ACSM3: variants seen among roughly 807,000 people sequenced by gnomAD.
The protein encoded by ACSM3 is acyl-coenzyme A synthetase ACSM3, mitochondrial.
In ACSM3, 61 loss-of-function variants were observed where a neutral mutation model predicts 74.1. That is an observed-to-expected ratio of 0.82 (90% CI 0.67 to 1.02). ACSM3 has a LOEUF of 1.02. Ranked by LOEUF, ACSM3 falls within the 50% of genes least tolerant of loss-of-function variation. ACSM3 has a pLI of 0.00. For missense variants in ACSM3, 660 were observed against 697.0 expected (o/e 0.95, Z 0.60); for synonymous variants, 213 against 241.5 (o/e 0.88, Z 1.09).
chr16:20,766,010 A>G (rs1190882587), intron 1 of ACSM3, among the ~76,000 whole-genome samples: 5 of 152,194 alleles, frequency 3.3e-5, no homozygotes, highest in Non-Finnish European at 4.4e-5. Context: ...TGTATCCTCT[A>G]TGTCTGAAAT....
Position 20,797,198 on chromosome 16 carries a change from A to G in ACSM3, c.*226A>G. On this transcript the variant is annotated 3_prime_UTR_variant, in exon 14 of 14. Coordinates refer to ENST00000289416, the MANE Select transcript of ACSM3 (RefSeq NM_005622.4). ...TCCTATCATTTCTTAATATAAAAAT[A>G]ATACCATCAATTGCTGATTAATTTT... 8.0e-7 allele frequency: 1 copy of G among 1,248,436 alleles called. No individual in the cohort carries two copies. Among genetic ancestry groups the G allele is most frequent in the Non-Finnish European group, 1.0e-6 (1 of 995,758 alleles). The allele number at this position is 1,248,436 out of a possible 1,614,324, so 77.3% of individuals were successfully genotyped here.
chr16:20,773,738 A>G (rs529220092), intron 2 of ACSM3, among the ~76,000 whole-genome samples: 17 of 152,252 alleles, frequency 1.1e-4, no homozygotes, highest in Non-Finnish European at 1.5e-4. Flanking sequence ...TATGATTTCA[A>G]TTTTTAAGAA....
intron 1 of ACSM3, among the ~76,000 whole-genome samples, chr16:20,693,897 G>A (rs191685930): frequency 2.3e-3 from 357 of 152,266 alleles, no homozygotes; most frequent in African/African-American, 8.3e-3. Context: ...ATCTAATTAG[G>A]AATAAATAGT....
intron 1 of ACSM3, chr16:20,729,500 C>A (rs947720728): frequency 8.0e-6 from 5 of 621,126 alleles, no homozygotes; most frequent in Non-Finnish European, 1.5e-5. Context: ...TGCTGAGCAT[C>A]CAGCAGTTGT....
At chr16:20,741,371 G>T in intron 1 of ACSM3, 4 of 1,102,250 alleles carry the variant, frequency 3.6e-6, no homozygotes, top group Non-Finnish European at 3.8e-6. Flanking sequence ...GGACGGAAAC[G>T]CCGGCGAGGC....
chr16:20,766,994 G>A (rs1228707423), intron 1 of ACSM3, among the ~76,000 whole-genome samples: 1 of 152,102 alleles, frequency 6.6e-6, no homozygotes, highest in Non-Finnish European at 1.5e-5. Context: ...CTGGGAGTGA[G>A]AGCAAAGTGG....
intron 1 of ACSM3, among the ~76,000 whole-genome samples, 171 bp downstream of exon 1, chr16:20,764,296 A>AC (rs1398855311): frequency 1.3e-5 from 2 of 152,272 alleles, no homozygotes; most frequent in African/African-American, 4.8e-5. Context: ...ACTATCTATT[A>AC]AGTGATGAGG....
At chr16:20,737,326 C>T (rs765138496) in intron 1 of ACSM3, 5 of 1,548,738 alleles carry the variant, frequency 3.2e-6, no homozygotes, top group East Asian at 2.2e-5. Context: ...GAGGAGGATA[C>T]CATTACATCT....
At chr16:20,792,184 T>G in intron 11 of ACSM3, 52 bp from the exon 12 acceptor site, 1 of 1,614,068 alleles carries the variant, frequency 6.2e-7, no homozygotes, top group Non-Finnish European at 8.5e-7. Flanking sequence ...ATCAGTGTTC[T>G]AGAGTGAACC....
chr16:20,784,921 T>C, intron 7 of ACSM3, 63 bp from the exon 8 acceptor site: 2 of 1,540,592 alleles, frequency 1.3e-6, no homozygotes, highest in African/African-American at 1.4e-5. Context: ...TAAGAAATAA[T>C]CCTTAATCTT....
In ACSM3 at chr16:20,796,981, C is replaced by A; in HGVS notation, c.*9C>A. ...AATGGAAGACAATTTAAAGTTGTTTCATTAATTACCATATCTATAAAACAA... is the reference window on the plus strand; with the variant it reads ...AATGGAAGACAATTTAAAGTTGTTTAATTAATTACCATATCTATAAAACAA... On this transcript the variant is annotated 3_prime_UTR_variant, in exon 14 of 14. Transcript: ENST00000289416. The A allele has an allele frequency of 6.2e-7, 1 of 1,610,036 alleles. No individual in the cohort carries two copies. Among genetic ancestry groups the A allele is most frequent in the South Asian group, 1.1e-5 (1 of 90,034 alleles).
At chr16:20,741,479 C>CCGGGGGGGGG in intron 1 of ACSM3, 4 of 1,329,522 alleles carry the variant, frequency 3.0e-6, no homozygotes, top group East Asian at 3.1e-5. Flanking sequence ...GCCTGGCAGC[C>CCGGGGGGGGG]GGCCCGCCCG....
chr16:20,796,913 A>G lies in ACSM3; in HGVS notation c.1702A>G (p.Thr568Ala). Residue 568 changes from threonine (T) to alanine (A), a missense_variant, in exon 14 of 14, where the codon ACT becomes GCT. By Grantham distance (58) the Thr-to-Ala change is moderately conservative. Transcript: ENST00000289416. ...KVEFIQELPK[T>A]ISGKTKRNEL... ...AGAATTTATTCAAGAGCTGCCAAAG[A>G]CTATCAGTGGGAAGACAAAAAGAAA... is the stretch of plus-strand genomic sequence containing the variant. 6.2e-7 allele frequency: 1 copy of G among 1,612,954 alleles called. No individual in the cohort carries two copies. Among genetic ancestry groups the G allele is most frequent in the Admixed American group, 1.7e-5 (1 of 59,864 alleles).
intron 7 of ACSM3, chr16:20,784,498 G>A (rs2080425470): frequency 6.6e-6 from 1 of 152,530 alleles, no homozygotes; most frequent in Non-Finnish European, 1.5e-5. Context: ...CTGATTTAAA[G>A]TGTTATTATG....
intron 1 of ACSM3, among the ~76,000 whole-genome samples, chr16:20,723,759 C>A (rs1264485479): frequency 6.6e-6 from 1 of 152,088 alleles, no homozygotes; most frequent in Non-Finnish European, 1.5e-5. Flanking sequence ...TGTTGGAGTT[C>A]ACTGTAGATT....
rs71842093 is a variant in ACSM3 at position 20,685,819 on chromosome 16, C to CAAAAAAAAA, written c.-190+11001_-190+11009dup. 9.2e-4 allele frequency among the ~76,000 whole-genome samples: 46 copies of CAAAAAAAAA among 50,076 alleles called. 5 individuals are homozygous for CAAAAAAAAA. The highest frequency in any genetic ancestry group is 1.6e-3 in the Admixed American group (6 of 3,792). 32.9% of individuals were successfully genotyped at this position (50,076 alleles called of 152,430 possible). On this transcript the variant is annotated intron_variant, in intron 1 of 3. Coordinates refer to the ACSM3 transcript ENST00000561584. ...TGGATGACACAGTGAGACTCCGTCT[C>CAAAAAAAAA]AAAAAAAAAAAACAAACAAAAAAAA...
At chr16:20,711,666 C>A in intron 1 of ACSM3, 1 of 646,080 alleles carries the variant, frequency 1.5e-6, no homozygotes, top group Non-Finnish European at 2.7e-6. Context: ...GGCTCAGTTT[C>A]CAGGAGTTAT....
intron 1 of ACSM3, among the ~76,000 whole-genome samples, chr16:20,742,332 C>T (rs1274952021): frequency 6.6e-6 from 1 of 152,156 alleles, no homozygotes; most frequent in African/African-American, 2.4e-5. Context: ...GCCCTCGTGA[C>T]TGGGCCTCAT....
chr16:20,736,903 A>G, intron 1 of ACSM3: 1 of 1,614,098 alleles, frequency 6.2e-7, no homozygotes, highest in Non-Finnish European at 8.5e-7. Context: ...TTTTCATTTG[A>G]CTTGGATCCT....
Sources: gnomAD v4.1 joint callset for allele counts (sites outside exome capture counted in the v4.1 genomes callset) on GRCh38, gnomAD v4.1.1 for gene constraint, MANE v1.5 for transcripts, NCBI Gene and HGNC (gene_info 2026-07-23, HGNC 2026-07-21) for gene names.